PRPF8: variants seen among roughly 807,000 people sequenced by gnomAD.
PRPF8 encodes the protein pre-mRNA-processing-splicing factor 8.
PRPF8 carries 64 observed loss-of-function variants against 285.9 expected under a neutral mutation model. That is an observed-to-expected ratio of 0.22 (90% CI 0.18 to 0.28). The LOEUF (loss-of-function observed/expected upper bound fraction) is 0.28, where lower values mean the gene tolerates loss of function less well. PRPF8 is among the 10% of genes least tolerant of loss of function. The pLI is 1.00. For synonymous variants in PRPF8, 1,325 were observed against 1,118.2 expected (o/e 1.18, Z -3.69); for missense variants, 1,426 against 3,026.7 (o/e 0.47, Z 12.41).
At chr17:1,663,046 TG>T (rs144953780) in intron 24 of PRPF8, among the ~76,000 whole-genome samples, 2,040 of 152,264 alleles carry the variant, frequency 0.013, 44 homozygotes, top group African/African-American at 0.047. Context: ...TAAAATGTTA[TG>T]ACAAAAATAC....
intron 39 of PRPF8, chr17:1,652,939 G>A (rs1325247935): frequency 1.2e-5 from 2 of 166,758 alleles, no homozygotes; most frequent in Non-Finnish European, 2.6e-5. Context: ...CGTTTTTTTT[G>A]GTTTTGTTTT....
intron 30 of PRPF8, 139 bp downstream of exon 30, chr17:1,660,293 C>T (rs1347042795): frequency 2.0e-6 from 3 of 1,497,352 alleles, no homozygotes; most frequent in Non-Finnish European, 2.8e-6. Flanking sequence ...ACCCTCTCCC[C>T]ACGATTCCAC....
intron 2 of PRPF8, 69 bp downstream of exon 2, chr17:1,684,403 C>T: frequency 6.5e-7 from 1 of 1,536,200 alleles, no homozygotes; most frequent in Non-Finnish European, 9.0e-7. Flanking sequence ...GGGAGGGTCC[C>T]CACCCGCCTG....
At chr17:1,664,303 G>T (rs1001710029) in intron 24 of PRPF8, among the ~76,000 whole-genome samples, 1 of 152,180 alleles carries the variant, frequency 6.6e-6, no homozygotes, top group African/African-American at 2.4e-5. Flanking sequence ...AAACTGCTGG[G>T]ATTACTAGAG....
intron 37 of PRPF8, chr17:1,654,902 AT>A (rs1435524194): frequency 5.2e-6 from 1 of 192,720 alleles, no homozygotes; most frequent in African/African-American, 2.4e-5. Flanking sequence ...AAGTGCTGGT[AT>A]TACTAGCATG....
At chr17:1,680,416 T>TA in intron 8 of PRPF8, 1 of 470,420 alleles carries the variant, frequency 2.1e-6, no homozygotes, top group Non-Finnish European at 3.9e-6. Flanking sequence ...GGATAACTTG[T>TA]ATGGTATGTT....
At position 1,653,257 on chromosome 17, in the gene PRPF8, G is replaced by T. The variant is rs1283135997; in HGVS notation, c.6369+285C>A. On this transcript the variant is annotated intron_variant, in intron 39 of 42. Transcript: ENST00000304992. The surrounding 1 kb of genome is among the most constrained non-coding windows in gnomAD (Gnocchi z 4.9). ...GCCCAGCCGAGTGTTGGGATTACAG[G>T]CATGAGCCAGCACGCACACCTGGTC... The T allele has an allele frequency of 3.6e-6, 2 of 551,120 alleles. No homozygotes were observed. The highest frequency in any genetic ancestry group is 6.6e-6 in the Non-Finnish European group (2 of 304,804). 34.1% of individuals were successfully genotyped at this position (551,120 alleles called of 1,614,324 possible). A position where few individuals can be genotyped will look rare whatever the true frequency, so the allele number is the denominator to read the frequency against.
chr17:1,654,593 C>T (rs562560713), intron 37 of PRPF8: 17 of 193,658 alleles, frequency 8.8e-5, no homozygotes, highest in South Asian at 5.1e-4. Flanking sequence ...TATTCGAAGA[C>T]ACTGCTGTAT....
rs201280111 is a variant in PRPF8, at chr17:1,658,738, T to C, written c.5164A>G (p.Ser1722Gly). 312 of 1,614,260 alleles carry C rather than the reference T, an allele frequency of 1.9e-4. No individual in the cohort carries two copies. The highest frequency in any genetic ancestry group is 2.5e-4 in the Non-Finnish European group (293 of 1,180,050). Residue 1722 changes from serine (S) to glycine (G), a missense_variant, in exon 33 of 43, where the codon AGC becomes GGC. By Grantham distance (56) the Ser-to-Gly change is moderately conservative. Coordinates refer to ENST00000304992, the MANE Select transcript of PRPF8 (RefSeq NM_006445.4). The surrounding 1 kb of genome is among the most constrained non-coding windows in gnomAD (Gnocchi z 4.1). ...ATGGCCTGTTGTATGAGAGGCTTGC[T>C]GCCTGGGAACCAGTTTCCATAGGCA... ...HSAYGNWFPG[S>G]KPLIQQAMAK...
chr17:1,664,617 G>A (rs1839356492), intron 24 of PRPF8, among the ~76,000 whole-genome samples: 1 of 151,276 alleles, frequency 6.6e-6, no homozygotes, highest in Non-Finnish European at 1.5e-5. Flanking sequence ...GTCCAACCTA[G>A]GCAAGAGTGA....
rs1911521689 is a variant in PRPF8 at position 1,658,671 on chromosome 17, C to T, written c.5231G>A (p.Arg1744His). The change falls in exon 33 of 43, where the codon CGT becomes CAT. Residue 1744 changes from arginine to histidine, a missense_variant. Coordinates refer to ENST00000304992, the MANE Select transcript of PRPF8 (RefSeq NM_006445.4). The surrounding 1 kb of genome is among the most constrained non-coding windows in gnomAD (Gnocchi z 4.1). ...MKANPALYVL[R>H]ERIRKGLQLY... ...CTGTAGCCCCTTGCGGATCCGTTCA[C>T]GTAACACATACAGGGCAGGGTTTGC... 2 of 1,614,112 alleles carry T rather than the reference C, an allele frequency of 1.2e-6. No individual in the cohort carries two copies. The highest frequency in any genetic ancestry group is 1.7e-6 in the Non-Finnish European group (2 of 1,180,052).
Position 1,673,950 on chromosome 17 carries a change from C to G in PRPF8, c.3300-58G>C. On this transcript the variant is annotated intron_variant, in intron 21 of 42. Transcript: ENST00000304992. The surrounding 1 kb of genome is among the most constrained non-coding windows in gnomAD (Gnocchi z 5.5). Reference sequence around the variant, plus strand: ...AGTACACTGAGATTTGGGACACCCACAAGTCCTCCAGCTCAATAGACGGAG... The same window carrying G: ...AGTACACTGAGATTTGGGACACCCAGAAGTCCTCCAGCTCAATAGACGGAG... 6.3e-7 allele frequency: 1 copy of G among 1,597,982 alleles called. No individual in the cohort carries two copies. The highest frequency in any genetic ancestry group is 8.5e-7 in the Non-Finnish European group (1 of 1,174,800).
rs1261458856 is a variant in PRPF8, at chr17:1,673,456, C to A, written c.3558G>T (p.Leu1186=). The stretch of plus-strand genomic sequence containing the variant: ...GGCACTCGAAGCCACACATGTTGAA[C>A]AGCAGGTTGGGGTTGTCCTTACTGT... ...SVYSKDNPNL[L]FNMCGFECRI... The change falls in exon 23 of 43, where the codon CTG becomes CTT. Residue 1186 remains leucine (L), a synonymous_variant. Coordinates refer to ENST00000304992, the MANE Select transcript of PRPF8 (RefSeq NM_006445.4). The surrounding 1 kb of genome is among the most constrained non-coding windows in gnomAD (Gnocchi z 5.5). 2 of 1,614,210 alleles carry A rather than the reference C, an allele frequency of 1.2e-6. No homozygotes were observed.
At chr17:1,680,466 A>G (rs1912850835) in intron 8 of PRPF8, 2 of 568,290 alleles carry the variant, frequency 3.5e-6, no homozygotes, top group Non-Finnish European at 6.3e-6. Context: ...AACAAACACA[A>G]TAGAGACAGA....
At position 1,651,779 on chromosome 17, in the gene PRPF8, A is replaced by G; in HGVS notation, c.6379T>C (p.Tyr2127His). Reference protein sequence around the residue: ...ISDLRAQIAGYLYGVSPPDNP... With the variant: ...ISDLRAQIAGHLYGVSPPDNP... ...TCTGGTGGGCTCACCCCATATAGGT[A>G]TCCTGCAATCTGGAGACAAAGGGGT... Residue 2127 changes from tyrosine (Y) to histidine (H), a missense_variant, in exon 40 of 43, where the codon TAC (tyrosine) becomes CAC (histidine). By Grantham distance (83) the Tyr-to-His change is moderately conservative. This residue lies in a region of PRPF8 where 160 missense variants were observed against 373.7 expected (regional missense o/e 0.43). Transcript: ENST00000304992. This position sits in a 1 kb window ranked among gnomAD's most constrained non-coding sequence, Gnocchi z 5.1. 1 of 1,614,146 alleles carries G rather than the reference A, an allele frequency of 6.2e-7. No individual in the cohort carries two copies. The highest frequency in any genetic ancestry group is 8.5e-7 in the Non-Finnish European group (1 of 1,180,020).
chr17:1,660,207 T>C (rs966535174), intron 30 of PRPF8, among the ~76,000 whole-genome samples: 2 of 150,426 alleles, frequency 1.3e-5, no homozygotes, highest in Admixed American at 1.3e-4. Context: ...CAGCACCCTC[T>C]CCCCGCGATT....
Position 1,675,396 on chromosome 17 carries a change from C to A in PRPF8, c.2873-57G>T. Reference sequence around the variant, plus strand: ...TTAGAAATCCTCTTGCAAGACTAGCCCCACAGGAACTATCATTACCTTCCA... The same window carrying A: ...TTAGAAATCCTCTTGCAAGACTAGCACCACAGGAACTATCATTACCTTCCA... On this transcript the variant is annotated intron_variant, in intron 19 of 42. Coordinates refer to ENST00000304992, the MANE Select transcript of PRPF8 (RefSeq NM_006445.4). This position sits in a 1 kb window ranked among gnomAD's most constrained non-coding sequence, Gnocchi z 6.0. 1 of 1,582,888 alleles carries A rather than the reference C, an allele frequency of 6.3e-7. No homozygotes were observed. Among genetic ancestry groups the A allele is most frequent in the Admixed American group, 1.7e-5 (1 of 59,860 alleles).
intron 8 of PRPF8, 141 bp downstream of exon 8, chr17:1,680,585 C>A: frequency 1.3e-6 from 1 of 784,500 alleles, no homozygotes; most frequent in Admixed American, 2.0e-5. Flanking sequence ...ATGCTGAATT[C>A]TCATATTCGC....
rs528687915 is a variant in PRPF8 at position 1,661,552 on chromosome 17, C to T, written c.4202+59G>A. 271 of 1,610,016 alleles carry T rather than the reference C, an allele frequency of 1.7e-4. No individual in the cohort carries two copies. The highest frequency in any genetic ancestry group is 3.8e-4 in the Admixed American group (23 of 59,960). On this transcript the variant is annotated intron_variant, in intron 26 of 42. Transcript: ENST00000304992. This position sits in a 1 kb window ranked among gnomAD's most constrained non-coding sequence, Gnocchi z 7.3. The stretch of plus-strand genomic sequence containing the variant: ...GCATGCTCTGACCCTGAACTCCACA[C>T]GGTTCAAAGGCCACCACTGCCCCTG...
Sources: gnomAD v4.1 joint callset for allele counts (sites outside exome capture counted in the v4.1 genomes callset) on GRCh38, gnomAD v4.1.1 for gene constraint, gnomAD v4.1.1 regional missense constraint, Gnocchi (gnomAD v3.1) non-coding constraint, MANE v1.5 for transcripts, NCBI Gene and HGNC (gene_info 2026-07-23, HGNC 2026-07-21) for gene names.